Variants in DLG2 observed in about 807,000 individuals in gnomAD.
DLG2 encodes disks large homolog 2.
In DLG2, 45 loss-of-function variants were observed where a neutral mutation model predicts 132.5. The observed-to-expected ratio is 0.34, with a 90% confidence interval of 0.27 to 0.44. The LOEUF (loss-of-function observed/expected upper bound fraction) is 0.44, where lower values mean the gene tolerates loss of function less well. DLG2 is among the 20% of genes least tolerant of loss of function. DLG2 has a pLI of 1.00. For missense variants in DLG2, 1,045 were observed against 1,196.9 expected, an observed-to-expected ratio of 0.87 and a Z score of 1.87; for synonymous variants, 424 against 419.6, an observed-to-expected ratio of 1.01 and a Z score of -0.13.
intron 15 of DLG2, among the ~76,000 whole-genome samples, chr11:83,884,318 C>G (rs192980866): frequency 1.3e-5 from 2 of 152,198 alleles, no homozygotes; most frequent in African/African-American, 2.4e-5. Flanking sequence ...GAGGGTCCTA[C>G]GCCCACAGAG....
At chr11:84,161,591 A>G (rs2095547117) in intron 9 of DLG2, among the ~76,000 whole-genome samples, 1 of 152,162 alleles carries the variant, frequency 6.6e-6, no homozygotes, top group South Asian at 2.1e-4. Context: ...TCTGACTCCT[A>G]TTGAGTGTTC....
intron 3 of DLG2, among the ~76,000 whole-genome samples, chr11:85,493,984 T>C (rs965134943): frequency 6.6e-6 from 1 of 152,186 alleles, no homozygotes; most frequent in Non-Finnish European, 1.5e-5. Flanking sequence ...TAGTCCCTTG[T>C]TGCTGCATCC....
intron 15 of DLG2, among the ~76,000 whole-genome samples, chr11:83,909,896 A>G (rs1289587606): frequency 2.0e-5 from 3 of 152,122 alleles, no homozygotes; most frequent in Non-Finnish European, 4.4e-5. Flanking sequence ...CTCTTCCTCT[A>G]CTCCAGGGAA....
intron 3 of DLG2, among the ~76,000 whole-genome samples, chr11:85,454,525 G>A (rs1443625303): frequency 1.3e-5 from 2 of 151,994 alleles, no homozygotes; most frequent in African/African-American, 2.4e-5. Context: ...TGCAAAAGCT[G>A]TTTAGTTTAA....
At chr11:85,119,774 G>A (rs2074088294) in intron 5 of DLG2, among the ~76,000 whole-genome samples, 1 of 151,914 alleles carries the variant, frequency 6.6e-6, no homozygotes, top group African/African-American at 2.4e-5. Context: ...AGAAAGAAAT[G>A]CCATTCAGAA....
At chr11:84,324,871 A>T (rs2098422776) in intron 7 of DLG2, among the ~76,000 whole-genome samples, 1 of 152,112 alleles carries the variant, frequency 6.6e-6, no homozygotes, top group Non-Finnish European at 1.5e-5. Context: ...TTGATTTTGT[A>T]TCCTATAATT....
intron 6 of DLG2, among the ~76,000 whole-genome samples, chr11:84,555,058 T>C (rs1409978200): frequency 6.6e-6 from 1 of 152,030 alleles, no homozygotes; most frequent in Non-Finnish European, 1.5e-5. Context: ...TGGAATAAGA[T>C]TACATACGGC....
At chr11:84,854,800 G>T (rs769471244) in intron 6 of DLG2, among the ~76,000 whole-genome samples, 17 of 151,942 alleles carry the variant, frequency 1.1e-4, no homozygotes, top group Non-Finnish European at 2.1e-4. Context: ...ATTGTGGACT[G>T]CTCTCTGTAC....
At chr11:85,161,151 G>T (rs749073884) in intron 4 of DLG2, among the ~76,000 whole-genome samples, 2 of 152,202 alleles carry the variant, frequency 1.3e-5, no homozygotes, top group African/African-American at 2.4e-5. Context: ...TATCGCATGG[G>T]ATTGCTCTCC....
At chr11:83,885,256 G>A (rs1170498760) in intron 15 of DLG2, among the ~76,000 whole-genome samples, 1 of 152,212 alleles carries the variant, frequency 6.6e-6, no homozygotes, top group East Asian at 1.9e-4. Flanking sequence ...GCTTAAAGGA[G>A]CTGATGGAGC....
At chr11:84,660,155 C>T (rs1447886974) in intron 6 of DLG2, among the ~76,000 whole-genome samples, 1 of 152,052 alleles carries the variant, frequency 6.6e-6, no homozygotes, top group African/African-American at 2.4e-5. Context: ...CCAAAACCCC[C>T]ATTAAAAATC....
At chr11:84,861,650 A>AAAAAAAAC (rs1344450913) in intron 6 of DLG2, among the ~76,000 whole-genome samples, 1 of 145,856 alleles carries the variant, frequency 6.9e-6, no homozygotes, top group Non-Finnish European at 1.5e-5. Context: ...CAAAAAAAAA[A>AAAAAAAAC]ACCTATCAGA....
intron 6 of DLG2, among the ~76,000 whole-genome samples, chr11:84,994,751 A>G (rs1210991047): frequency 6.6e-6 from 1 of 152,154 alleles, no homozygotes; most frequent in Non-Finnish European, 1.5e-5. Context: ...CATCTCCCCA[A>G]AGCCAAAAAG....
intron 12 of DLG2, among the ~76,000 whole-genome samples, chr11:83,972,091 G>A (rs2091445933): frequency 6.6e-6 from 1 of 151,898 alleles, no homozygotes; most frequent in Non-Finnish European, 1.5e-5. Context: ...ATCGGAATGG[G>A]AAAAAAGAAA....
At chr11:84,974,757 T>C (rs2054623889) in intron 6 of DLG2, among the ~76,000 whole-genome samples, 2 of 152,170 alleles carry the variant, frequency 1.3e-5, no homozygotes, top group African/African-American at 4.8e-5. Flanking sequence ...ATTTAGTGAA[T>C]CAGAAACTAT....
chr11:85,173,677 T>G (rs1336327884), intron 4 of DLG2, among the ~76,000 whole-genome samples: 1 of 152,074 alleles, frequency 6.6e-6, no homozygotes, highest in Non-Finnish European at 1.5e-5. Flanking sequence ...GAAGACAGAA[T>G]GGCAAGCTGG....
intron 3 of DLG2, among the ~76,000 whole-genome samples, chr11:85,587,311 C>T (rs1048259906): frequency 6.6e-6 from 1 of 152,160 alleles, no homozygotes; most frequent in South Asian, 2.1e-4. Context: ...AAGTCCCCCA[C>T]TATTATTGTG....
chr11:84,588,036 T>C (rs1266875944), intron 6 of DLG2, among the ~76,000 whole-genome samples: 1 of 152,140 alleles, frequency 6.6e-6, no homozygotes, highest in East Asian at 1.9e-4. Flanking sequence ...ATGACCTACA[T>C]AGCTGTGTGC....
chr11:84,322,417 C>T (rs2098409695), intron 7 of DLG2, among the ~76,000 whole-genome samples: 1 of 152,166 alleles, frequency 6.6e-6, no homozygotes, highest in African/African-American at 2.4e-5. Context: ...TTCCTGGCAG[C>T]TGTGCATTTC....
Sources: allele counts gnomAD v4.1 joint callset (sites outside exome capture counted in the v4.1 genomes callset), GRCh38; gene constraint gnomAD v4.1.1; transcripts MANE v1.5; gene names NCBI Gene and HGNC (gene_info 2026-07-23, HGNC 2026-07-21).